OSTN: variants seen among roughly 807,000 people sequenced by gnomAD.
OSTN encodes osteocrin.
OSTN carries 9 observed loss-of-function variants against 12.0 expected under a neutral mutation model. The ratio of observed to expected loss-of-function variants is 0.75; its 90% CI spans 0.45 to 1.30. OSTN has a LOEUF of 1.30. Ranked by LOEUF, OSTN falls within the 50% of genes most tolerant of loss-of-function variation. OSTN has a pLI of 0.00. For missense variants in OSTN, 148 were observed against 152.3 expected (o/e 0.97, Z 0.15); for synonymous variants, 59 against 56.9 (o/e 1.04, Z -0.16).
At chr3:191,246,067 CAAAAAAAAAAAAAA>C (rs149962240) in intron 3 of OSTN, among the ~76,000 whole-genome samples, 1 of 60,322 alleles carries the variant, frequency 1.7e-5, no homozygotes, top group African/African-American at 6.6e-5. Flanking sequence ...AACTCTGTCT[CAAAAAAAAAAAAAA>C]AAAAAAAAAA....
At chr3:191,226,647 A>G (rs1008061496) in intron 3 of OSTN, among the ~76,000 whole-genome samples, 13 of 152,230 alleles carry the variant, frequency 8.5e-5, no homozygotes, top group Admixed American at 3.3e-4. Context: ...CCAGATATTT[A>G]AAACATTATA....
chr3:191,262,374 ATAAAT>A (rs1345863710), intron 4 of OSTN, among the ~76,000 whole-genome samples: 1 of 152,240 alleles, frequency 6.6e-6, no homozygotes, highest in Non-Finnish European at 1.5e-5. Flanking sequence ...CATCATTCAA[ATAAAT>A]TAATATAACT....
intron 4 of OSTN, among the ~76,000 whole-genome samples, chr3:191,262,099 T>C (rs573768251): frequency 6.6e-6 from 1 of 152,198 alleles, no homozygotes; most frequent in African/African-American, 2.4e-5. Context: ...GGGCCTATAA[T>C]CCCAGCTACT....
intron 3 of OSTN, 27 bp from the exon 4 acceptor site, chr3:191,250,010 A>G: frequency 6.4e-7 from 1 of 1,558,330 alleles, no homozygotes. Context: ...CCTTTAGTTT[A>G]AAAATGTCCT....
At chr3:191,251,708 A>G (rs1008909907) in intron 4 of OSTN, among the ~76,000 whole-genome samples, 3 of 152,238 alleles carry the variant, frequency 2.0e-5, no homozygotes, top group African/African-American at 7.2e-5. Flanking sequence ...AACTTACTGA[A>G]TACTGCCAAG....
intron 1 of OSTN, among the ~76,000 whole-genome samples, chr3:191,201,324 C>T (rs1267551576): frequency 6.6e-6 from 1 of 152,092 alleles, no homozygotes; most frequent in Non-Finnish European, 1.5e-5. Flanking sequence ...CTCCTTTGAG[C>T]AGGTTCATTC....
intron 1 of OSTN, among the ~76,000 whole-genome samples, chr3:191,204,447 G>A (rs897389928): frequency 2.0e-5 from 3 of 152,138 alleles, no homozygotes; most frequent in African/African-American, 7.2e-5. Context: ...TTGCTCTTGG[G>A]TGAAAATCCT....
intron 4 of OSTN, among the ~76,000 whole-genome samples, chr3:191,254,176 T>C (rs1715621024): frequency 1.3e-5 from 2 of 152,180 alleles, no homozygotes; most frequent in Admixed American, 1.3e-4. Context: ...TAAACAGATC[T>C]TTAATAAGAA....
At chr3:191,262,453 A>C (rs374113521) in intron 4 of OSTN, among the ~76,000 whole-genome samples, 2 of 152,230 alleles carry the variant, frequency 1.3e-5, no homozygotes, top group East Asian at 1.9e-4. Context: ...GAATGTGCAA[A>C]ATATACAACT....
intron 1 of OSTN, among the ~76,000 whole-genome samples, chr3:191,199,756 C>T (rs924882633): frequency 6.6e-6 from 1 of 152,086 alleles, no homozygotes; most frequent in Non-Finnish European, 1.5e-5. Context: ...GAAATTCTAT[C>T]TCTTATGTTC....
At position 191,210,271 on chromosome 3, in the gene OSTN, C is replaced by T. The variant is rs138001300; in HGVS notation, c.1-2262C>T. Among the ~76,000 whole-genome samples, 5 of 152,308 alleles carry T rather than the reference C, an allele frequency of 3.3e-5. No homozygotes were observed. In the East Asian group the frequency reaches 9.7e-4, roughly 29 times the overall value. The stretch of plus-strand genomic sequence containing the variant: ...CATTATCCAGTGGTCTCCCTCCAGG[C>T]CCCGCCTCCAATACTGGAGGCAACT... On this transcript the variant is annotated intron_variant, in intron 1 of 4. Transcript: ENST00000682035.
chr3:191,229,430 G>T (rs1457747970), intron 3 of OSTN, among the ~76,000 whole-genome samples: 1 of 152,088 alleles, frequency 6.6e-6, no homozygotes, highest in African/African-American at 2.4e-5. Flanking sequence ...ATTTAAACAT[G>T]ATTTTTAAAA....
At chr3:191,262,364 C>T (rs1412511160) in intron 4 of OSTN, among the ~76,000 whole-genome samples, 1 of 152,022 alleles carries the variant, frequency 6.6e-6, no homozygotes, top group East Asian at 1.9e-4. Flanking sequence ...ATTGACATAC[C>T]ATCATTCAAA....
intron 2 of OSTN, among the ~76,000 whole-genome samples, chr3:191,215,201 C>T (rs543619571): frequency 6.6e-6 from 1 of 152,276 alleles, no homozygotes; most frequent in South Asian, 2.1e-4. Context: ...ATTTATAAAA[C>T]CACCAGATCT....
intron 4 of OSTN, among the ~76,000 whole-genome samples, chr3:191,261,119 C>T (rs1027945104): frequency 6.6e-6 from 1 of 152,070 alleles, no homozygotes; most frequent in East Asian, 1.9e-4. Flanking sequence ...TGACTTCCAG[C>T]GGGGTGAAAT....
chr3:191,264,834 G>A lies in OSTN; in HGVS notation c.*1981G>A, dbSNP rs1322237486. 3.9e-5 allele frequency: 6 copies of A among 152,156 alleles called. No individual in the cohort carries two copies. Among genetic ancestry groups the A allele is most frequent in the Admixed American group, 3.9e-4 (6 of 15,278 alleles). The allele number at this position is 152,156 out of a possible 1,614,324, so 9.4% of individuals were successfully genotyped here. A position where few individuals can be genotyped will look rare whatever the true frequency, so the allele number is the denominator to read the frequency against. ...AACTTTCTCATGGTAAATATTGGAA[G>A]TTGGATTATGCAAATTGATTTCCTC... is the stretch of plus-strand genomic sequence containing the variant. On this transcript the variant is annotated 3_prime_UTR_variant, in exon 5 of 5. Transcript: ENST00000682035.
At chr3:191,206,734 G>A (rs1426415845) in intron 1 of OSTN, among the ~76,000 whole-genome samples, 1 of 152,230 alleles carries the variant, frequency 6.6e-6, no homozygotes, top group Admixed American at 6.5e-5. Flanking sequence ...GCAATGAAGA[G>A]CCTGAGTCTC....
chr3:191,201,267 G>A (rs1378203799), intron 1 of OSTN, among the ~76,000 whole-genome samples: 1 of 151,660 alleles, frequency 6.6e-6, no homozygotes, highest in Non-Finnish European at 1.5e-5. Flanking sequence ...ACCACCTTCT[G>A]CTCTCTCTTC....
At chr3:191,260,067 GTCTCGA>G in intron 4 of OSTN, among the ~76,000 whole-genome samples, 1 of 151,672 alleles carries the variant, frequency 6.6e-6, no homozygotes, top group African/African-American at 2.4e-5. Flanking sequence ...GGCCAGGATG[GTCTCGA>G]TCTCTTGACC....
Sources: allele counts gnomAD v4.1 joint callset (sites outside exome capture counted in the v4.1 genomes callset), GRCh38; gene constraint gnomAD v4.1.1; transcripts MANE v1.5; gene names NCBI Gene and HGNC (gene_info 2026-07-23, HGNC 2026-07-21).